LDB2: variants seen among roughly 807,000 people sequenced by gnomAD.
LDB2 encodes the protein LIM domain-binding protein 2.
In LDB2, 12 loss-of-function variants were observed where a neutral mutation model predicts 44.3. The ratio of observed to expected loss-of-function variants is 0.27; its 90% CI spans 0.17 to 0.44. The LOEUF (loss-of-function observed/expected upper bound fraction) is 0.44, where lower values mean the gene tolerates loss of function less well. Ranked by LOEUF, LDB2 falls within the 20% of genes least tolerant of loss-of-function variation. LDB2 has a pLI of 1.00. For missense variants in LDB2, 344 were observed against 473.5 expected (o/e 0.73, Z 2.54); for synonymous variants, 164 against 174.8 (o/e 0.94, Z 0.49).
chr4:16,746,066 A>G (rs1184130825), intron 2 of LDB2, among the ~76,000 whole-genome samples: 1 of 152,154 alleles, frequency 6.6e-6, no homozygotes, highest in Non-Finnish European at 1.5e-5. Flanking sequence ...GGAATGACGC[A>G]TGGTCACCAA....
chr4:16,816,801 C>A (rs1174490765), intron 1 of LDB2, among the ~76,000 whole-genome samples: 1 of 152,156 alleles, frequency 6.6e-6, no homozygotes, highest in Admixed American at 6.5e-5. Context: ...AAATCTCATT[C>A]TCTTGCAGTC....
intron 1 of LDB2, among the ~76,000 whole-genome samples, chr4:16,891,816 A>G (rs1723491775): frequency 1.3e-5 from 2 of 152,360 alleles, no homozygotes; most frequent in East Asian, 1.9e-4. Context: ...TTAGAAAACA[A>G]AAATGAATAT....
chr4:16,873,875 G>A (rs1462271018), intron 1 of LDB2, among the ~76,000 whole-genome samples: 2 of 152,120 alleles, frequency 1.3e-5, no homozygotes, highest in African/African-American at 4.8e-5. Context: ...CATGTCAATT[G>A]CAGGAATTAC....
chr4:16,890,098 G>A (rs777062132), intron 1 of LDB2, among the ~76,000 whole-genome samples: 2 of 152,228 alleles, frequency 1.3e-5, no homozygotes, highest in Non-Finnish European at 2.9e-5. Context: ...CGAGGGCAAA[G>A]GTCCTGCAGT....
intron 1 of LDB2, among the ~76,000 whole-genome samples, chr4:16,777,367 C>T (rs537642385): frequency 2.0e-5 from 3 of 151,858 alleles, no homozygotes; most frequent in East Asian, 1.9e-4. Flanking sequence ...TTTGGTCAGC[C>T]GACATGAGGA....
chr4:16,739,210 T>A (rs1322968367), intron 2 of LDB2, among the ~76,000 whole-genome samples: 2 of 152,132 alleles, frequency 1.3e-5, no homozygotes, highest in East Asian at 1.9e-4. Flanking sequence ...GTATTTAAAA[T>A]TTTTTGGAGA....
intron 2 of LDB2, among the ~76,000 whole-genome samples, chr4:16,663,609 G>T (rs929062802): frequency 6.6e-6 from 1 of 152,206 alleles, no homozygotes; most frequent in Non-Finnish European, 1.5e-5. Flanking sequence ...CTCCTTGAAG[G>T]CAAGATGGTA....
intron 1 of LDB2, among the ~76,000 whole-genome samples, chr4:16,814,441 A>G (rs181232970): frequency 3.3e-4 from 51 of 152,318 alleles, no homozygotes; most frequent in Admixed American, 1.0e-3. Flanking sequence ...CAATTGAATA[A>G]AACCATGAAA....
chr4:16,522,645 A>G (rs1726663759), intron 5 of LDB2, among the ~76,000 whole-genome samples: 1 of 152,192 alleles, frequency 6.6e-6, no homozygotes, highest in South Asian at 2.1e-4. Flanking sequence ...CTCTGTATAT[A>G]TAGAGAGAAA....
chr4:16,875,911 T>G (rs1718227451), intron 1 of LDB2, among the ~76,000 whole-genome samples: 1 of 152,208 alleles, frequency 6.6e-6, no homozygotes, highest in South Asian at 2.1e-4. Context: ...TATTTGATTC[T>G]TAGAACCCTG....
chr4:16,821,400 T>TTG (rs397940323), intron 1 of LDB2, among the ~76,000 whole-genome samples: 1 of 148,912 alleles, frequency 6.7e-6, no homozygotes, highest in Non-Finnish European at 1.5e-5. Context: ...TTTTTTTTTT[T>TTG]GGAGACGGAG....
intron 1 of LDB2, among the ~76,000 whole-genome samples, chr4:16,809,758 T>C (rs186887067): frequency 1.3e-5 from 2 of 151,388 alleles, no homozygotes; most frequent in African/African-American, 4.9e-5. Context: ...AAAACGGAAC[T>C]ACATGGGACT....
chr4:16,573,926 G>A (rs1302327416), intron 5 of LDB2, among the ~76,000 whole-genome samples: 2 of 152,094 alleles, frequency 1.3e-5, no homozygotes, highest in African/African-American at 2.4e-5. Context: ...CCCTGGCTGG[G>A]AGTCAAAACC....
intron 1 of LDB2, among the ~76,000 whole-genome samples, chr4:16,788,874 C>T (rs975756103): frequency 2.6e-5 from 4 of 152,194 alleles, no homozygotes; most frequent in African/African-American, 9.6e-5. Flanking sequence ...TCCTTCCTGT[C>T]CAGCCTACTG....
Position 16,505,896 on chromosome 4 carries a change from T to C in LDB2, c.891+2639A>G, listed in dbSNP as rs1278153195. On this transcript the variant is annotated intron_variant, in intron 7 of 7. Coordinates refer to ENST00000304523, the MANE Select transcript of LDB2 (RefSeq NM_001290.5). ...GGGCCCCTCAATGCTTCTCCTTAAA[T>C]TGGCCAGAAGGGGTCACTGCTGTTG... 8 of 1,551,360 alleles carry C rather than the reference T, an allele frequency of 5.2e-6. No homozygotes were observed. The African/African-American group carries it at 6.8e-5, about 13-fold the overall frequency.
chr4:16,573,028 G>C (rs1184712446), intron 5 of LDB2, among the ~76,000 whole-genome samples: 1 of 152,206 alleles, frequency 6.6e-6, no homozygotes, highest in African/African-American at 2.4e-5. Flanking sequence ...GCCCATGCCA[G>C]GGTTCCAGTT....
At chr4:16,856,521 G>C (rs1019537722) in intron 1 of LDB2, among the ~76,000 whole-genome samples, 1 of 152,146 alleles carries the variant, frequency 6.6e-6, no homozygotes, top group Non-Finnish European at 1.5e-5. Context: ...TGATTTTGCA[G>C]GTCAAAGTTT....
chr4:16,735,401 A>G (rs1477481325), intron 2 of LDB2, among the ~76,000 whole-genome samples: 1 of 152,046 alleles, frequency 6.6e-6, no homozygotes, highest in Non-Finnish European at 1.5e-5. Context: ...ATGAGTAAGA[A>G]AGAATAAATC....
intron 2 of LDB2, among the ~76,000 whole-genome samples, chr4:16,671,119 A>C (rs1003266703): frequency 1.6e-5 from 2 of 125,718 alleles, no homozygotes; most frequent in South Asian, 2.4e-4. Context: ...AAAAAAAAAA[A>C]ACAAAAAAAA....
Sources: gnomAD v4.1 joint callset for allele counts (sites outside exome capture counted in the v4.1 genomes callset) on GRCh38, gnomAD v4.1.1 for gene constraint, MANE v1.5 for transcripts, NCBI Gene and HGNC (gene_info 2026-07-23, HGNC 2026-07-21) for gene names.